The following CFAP53 variants were observed in gnomAD, a reference collection of about 807,000 sequenced individuals.
CFAP53 encodes the protein cilia and flagella associated protein 53.
CFAP53 carries 62 observed loss-of-function variants against 59.7 expected under a neutral mutation model. The ratio of observed to expected loss-of-function variants is 1.04; its 90% CI spans 0.85 to 1.28. CFAP53 has a LOEUF of 1.28. CFAP53 is among the 50% of genes most tolerant of loss of function. The pLI, the probability that CFAP53 is intolerant of heterozygous loss-of-function variation, is 0.00. For synonymous variants in CFAP53, 218 were observed against 205.7 expected (o/e 1.06, Z -0.51); for missense variants, 629 against 615.6 (o/e 1.02, Z -0.23).
intron 7 of CFAP53, among the ~76,000 whole-genome samples, chr18:50,229,987 G>A (rs990009907): frequency 6.6e-6 from 1 of 151,820 alleles, no homozygotes. Context: ...CAAACTCCTG[G>A]GTTCAAGAGA....
chr18:50,229,733 TCTTTTTC>T (rs2033561128), intron 7 of CFAP53, among the ~76,000 whole-genome samples: 1 of 27,814 alleles, frequency 3.6e-5, no homozygotes, highest in Non-Finnish European at 7.2e-5. Context: ...TTTCTTTTTT[TCTTTTTC>T]TTTTTTTTTT....
intron 3 of CFAP53, among the ~76,000 whole-genome samples, chr18:50,258,916 C>A (rs536856193): frequency 2.3e-4 from 35 of 152,212 alleles, no homozygotes; most frequent in African/African-American, 7.7e-4. Context: ...TATCATTTCA[C>A]CCCAGTTAAA....
intron 3 of CFAP53, among the ~76,000 whole-genome samples, chr18:50,257,199 A>G (rs2033854044): frequency 6.6e-6 from 1 of 152,108 alleles, no homozygotes; most frequent in Non-Finnish European, 1.5e-5. Context: ...GCACTGAGAG[A>G]TGTATCTGAA....
intron 3 of CFAP53, among the ~76,000 whole-genome samples, chr18:50,257,858 C>T (rs897573986): frequency 4.6e-5 from 7 of 152,200 alleles, no homozygotes; most frequent in African/African-American, 1.2e-4. Flanking sequence ...AGGGAAACCC[C>T]GTCTCTATTA....
chr18:50,229,323 G>C (rs2033557417), intron 7 of CFAP53, among the ~76,000 whole-genome samples: 1 of 152,090 alleles, frequency 6.6e-6, no homozygotes, highest in Non-Finnish European at 1.5e-5. Flanking sequence ...CATAAAAGTA[G>C]AATCATACAG....
At chr18:50,259,797 G>A (rs1328898721) in intron 3 of CFAP53, among the ~76,000 whole-genome samples, 1 of 152,092 alleles carries the variant, frequency 6.6e-6, no homozygotes, top group Non-Finnish European at 1.5e-5. Flanking sequence ...CAAACTCCTG[G>A]CCTCAAGTGA....
intron 3 of CFAP53, chr18:50,256,443 A>G (rs1160432039): frequency 1.3e-5 from 2 of 152,208 alleles, no homozygotes; most frequent in Non-Finnish European, 2.9e-5. Context: ...TGTAGAACTC[A>G]GTTATCCATC....
intron 6 of CFAP53, among the ~76,000 whole-genome samples, chr18:50,239,161 G>A (rs2033664871): frequency 6.6e-6 from 1 of 151,662 alleles, no homozygotes; most frequent in East Asian, 1.9e-4. Flanking sequence ...GCTGAGGCAG[G>A]TGGGTCACCT....
chr18:50,237,329 A>AATATATATATATATATATAT (rs1555671379), intron 7 of CFAP53, among the ~76,000 whole-genome samples: 3 of 6,346 alleles, frequency 4.7e-4, no homozygotes, highest in Non-Finnish European at 1.4e-3. Context: ...AAAAAAAAAA[A>AATATATATATATATATATAT]ATATATATAT....
At chr18:50,242,782 T>A (rs1599119575) in intron 6 of CFAP53, 118 bp downstream of exon 6, 1 of 830,582 alleles carries the variant, frequency 1.2e-6, no homozygotes, top group Non-Finnish European at 1.9e-6. Flanking sequence ...CCTGCCTTCA[T>A]CCTTTTTGCA....
At chr18:50,248,274 G>A (rs1275884443) in intron 5 of CFAP53, among the ~76,000 whole-genome samples, 1 of 152,144 alleles carries the variant, frequency 6.6e-6, no homozygotes, top group Non-Finnish European at 1.5e-5. Flanking sequence ...ACAATGAGAT[G>A]TTACTACACA....
chr18:50,228,654 G>A (rs1362264828), intron 7 of CFAP53, among the ~76,000 whole-genome samples: 2 of 152,124 alleles, frequency 1.3e-5, no homozygotes, highest in East Asian at 3.9e-4. Flanking sequence ...AGCTGGGCAT[G>A]GTGGTACATG....
In CFAP53 at chr18:50,227,349, G is replaced by T; in HGVS notation, c.*32C>A. On this transcript the variant is annotated 3_prime_UTR_variant, in exon 8 of 8. Coordinates refer to ENST00000398545, the MANE Select transcript of CFAP53 (RefSeq NM_145020.5). ...CATACTGTAGTTAAAAATATTAAAA[G>T]ACCAAGAAAAGATATATTGATGCTC... The T allele has an allele frequency of 1.3e-6, 2 of 1,551,990 alleles. No homozygotes were observed. The highest frequency in any genetic ancestry group is 2.2e-5 in the South Asian group (2 of 89,030).
chr18:50,239,506 T>A (rs2033668521), intron 6 of CFAP53, among the ~76,000 whole-genome samples: 1 of 152,224 alleles, frequency 6.6e-6, no homozygotes. Flanking sequence ...GGTACCACAG[T>A]CTATTTCAGA....
intron 1 of CFAP53, among the ~76,000 whole-genome samples, chr18:50,263,547 T>G (rs531514694): frequency 6.6e-6 from 1 of 152,324 alleles, no homozygotes; most frequent in East Asian, 1.9e-4. Context: ...GGTTATATCA[T>G]GGAAAGTAGC....
Position 50,265,530 on chromosome 18 carries a change from C to T in CFAP53, c.69+806G>A, listed in dbSNP as rs1477974311. ...AAGCTCCTTGAAGGGAGGGCTCAGGCTTCAATAAAGAGTTAACCTTCCAGG... is the reference window on the plus strand; with the variant it reads ...AAGCTCCTTGAAGGGAGGGCTCAGGTTTCAATAAAGAGTTAACCTTCCAGG... On this transcript the variant is annotated intron_variant, in intron 1 of 7. Transcript: ENST00000398545. Among the ~76,000 whole-genome samples the T allele has an allele frequency of 5.9e-5, 9 of 152,192 alleles. No homozygotes were observed. In the East Asian group the frequency reaches 1.2e-3, roughly 20 times the overall value.
intron 3 of CFAP53, among the ~76,000 whole-genome samples, chr18:50,260,606 T>C (rs1163241257): frequency 3.9e-5 from 6 of 152,094 alleles, no homozygotes; most frequent in Non-Finnish European, 8.8e-5. Context: ...GTGGAGGTTG[T>C]AGTCATGATC....
At chr18:50,264,269 T>C (rs537912092) in intron 1 of CFAP53, among the ~76,000 whole-genome samples, 110 of 152,288 alleles carry the variant, frequency 7.2e-4, no homozygotes, top group Non-Finnish European at 1.3e-3. Flanking sequence ...TACTGTGGGT[T>C]TTCAAGGTCA....
intron 5 of CFAP53, among the ~76,000 whole-genome samples, chr18:50,244,622 T>C (rs2033724612): frequency 6.6e-6 from 1 of 152,200 alleles, no homozygotes; most frequent in Non-Finnish European, 1.5e-5. Flanking sequence ...GTACATCTTA[T>C]TGTGTCAGAA....
Sources: gnomAD v4.1 joint callset for allele counts (sites outside exome capture counted in the v4.1 genomes callset) on GRCh38, gnomAD v4.1.1 for gene constraint, MANE v1.5 for transcripts, NCBI Gene and HGNC (gene_info 2026-07-23, HGNC 2026-07-21) for gene names.